ADAMTS18: variants seen among roughly 807,000 people sequenced by gnomAD.
The protein encoded by ADAMTS18 is A disintegrin and metalloproteinase with thrombospondin motifs 18.
Under a neutral mutation model 165.9 loss-of-function variants are expected in ADAMTS18, and 157 were observed. The observed-to-expected ratio is 0.95, with a 90% CI of 0.83 to 1.08. ADAMTS18 has a LOEUF of 1.08. ADAMTS18 is among the 50% of genes least tolerant of loss of function. The pLI, the probability that ADAMTS18 is intolerant of heterozygous loss-of-function variation, is 0.00. For synonymous variants in ADAMTS18, 782 were observed against 578.2 expected (o/e 1.35, Z -5.06); for missense variants, 2,040 against 1,534.0 (o/e 1.33, Z -5.51).
In ADAMTS18 at chr16:77,291,497, T is replaced by C; in HGVS notation, c.3190-19A>G. The C allele has an allele frequency of 1.2e-6, 2 of 1,612,204 alleles. No homozygotes were observed. Among genetic ancestry groups the C allele is most frequent in the East Asian group, 2.2e-5 (1 of 44,870 alleles). On this transcript the variant is annotated intron_variant, in intron 20 of 22. Transcript: ENST00000282849. ...CAGAACACTAGGAGCCAAGACAGGA[T>C]GTGTAAAAGTGAAGACTGCCAGGAT...
intron 18 of ADAMTS18, among the ~76,000 whole-genome samples, chr16:77,295,666 G>C (rs759083440): frequency 4.7e-4 from 71 of 152,290 alleles, no homozygotes; most frequent in Middle Eastern, 3.4e-3. Context: ...TACATTTAGA[G>C]AAGGTCTCAC....
intron 20 of ADAMTS18, among the ~76,000 whole-genome samples, chr16:77,292,337 T>C (rs905637956): frequency 6.6e-6 from 1 of 152,180 alleles, no homozygotes; most frequent in Non-Finnish European, 1.5e-5. Flanking sequence ...GAGATATTTC[T>C]AGTGTGTCAC....
intron 16 of ADAMTS18, among the ~76,000 whole-genome samples, chr16:77,316,244 T>C (rs1462759860): frequency 7.4e-6 from 1 of 134,860 alleles, no homozygotes; most frequent in East Asian, 2.2e-4. Flanking sequence ...CTTATTTACA[T>C]AGCAGCCTGG....
At chr16:77,403,105 G>A (rs935228910) in intron 3 of ADAMTS18, among the ~76,000 whole-genome samples, 4 of 152,132 alleles carry the variant, frequency 2.6e-5, no homozygotes, top group South Asian at 4.1e-4. Context: ...TCACTATAAC[G>A]ATGTGACAGA....
chr16:77,430,287 C>T (rs1276468875), intron 3 of ADAMTS18, among the ~76,000 whole-genome samples: 2 of 152,094 alleles, frequency 1.3e-5, no homozygotes, highest in African/African-American at 4.8e-5. Context: ...GAAAGAATAC[C>T]GTGATTGTGG....
chr16:77,357,648 G>A (rs2056651257), intron 8 of ADAMTS18, among the ~76,000 whole-genome samples: 1 of 152,192 alleles, frequency 6.6e-6, no homozygotes, highest in Non-Finnish European at 1.5e-5. Flanking sequence ...GGAATTTTAT[G>A]TGCGTAAGAA....
In ADAMTS18 at chr16:77,329,563, T is replaced by C. The variant is rs567386333; in HGVS notation, c.1860-3525A>G. Among the ~76,000 whole-genome samples the C allele has an allele frequency of 2.0e-5, 3 of 152,224 alleles. No individual in the cohort carries two copies. In the East Asian group the frequency reaches 5.8e-4, roughly 29 times the overall value. ...GTATCTAGGGCAGAGTCAGAATAAA[T>C]AAATTATAACTATTTTTAAATGCCT... is the stretch of plus-strand genomic sequence containing the variant. On this transcript the variant is annotated intron_variant, in intron 12 of 22. Coordinates refer to ENST00000282849, the MANE Select transcript of ADAMTS18 (RefSeq NM_199355.4).
chr16:77,378,781 A>G (rs1304061009), intron 3 of ADAMTS18: 1 of 152,182 alleles, frequency 6.6e-6, no homozygotes, highest in Non-Finnish European at 1.5e-5. Context: ...TATAACACTC[A>G]ATACATATTT....
At chr16:77,330,628 G>C (rs186474386) in intron 12 of ADAMTS18, among the ~76,000 whole-genome samples, 41 of 152,318 alleles carry the variant, frequency 2.7e-4, no homozygotes, top group Non-Finnish European at 1.5e-5. Context: ...ATGAAAAACA[G>C]GGCTTCCGTC....
In ADAMTS18 at chr16:77,316,235, T is replaced by G. The variant is rs1049218683; in HGVS notation, c.2532+3614A>C. Among the ~76,000 whole-genome samples, 5 of 148,470 alleles carry G rather than the reference T, an allele frequency of 3.4e-5. No homozygotes were observed. The Admixed American group carries it at 3.4e-4, about 10-fold the overall frequency. ...GTTTACTTCTTGCCTCTCCAATCAC[T>G]TATTTACATAGCAGCCTGGTTGAAT... On this transcript the variant is annotated intron_variant, in intron 16 of 22. Transcript: ENST00000282849.
At position 77,422,209 on chromosome 16, in the gene ADAMTS18, G is replaced by A. The variant is rs368568192; in HGVS notation, c.495+9086C>T. Among the ~76,000 whole-genome samples, 48 of 152,114 alleles carry A rather than the reference G, an allele frequency of 3.2e-4. No individual in the cohort carries two copies. The South Asian group carries it at 8.9e-3, about 28-fold the overall frequency. ...TGGATACAGAGACAAATTTAATGTG[G>A]TCCACTGAGGCCCGCAGACAGGTGA... On this transcript the variant is annotated intron_variant, in intron 3 of 22. Coordinates refer to ENST00000282849, the MANE Select transcript of ADAMTS18 (RefSeq NM_199355.4).
chr16:77,433,857 G>A (rs1000593728), intron 2 of ADAMTS18, among the ~76,000 whole-genome samples: 1 of 152,006 alleles, frequency 6.6e-6, no homozygotes, highest in Admixed American at 6.6e-5. Flanking sequence ...GCTGGCGAAC[G>A]TCAGAAAAGA....
At position 77,325,861 on chromosome 16, in the gene ADAMTS18, A is replaced by G. The variant is rs762599547; in HGVS notation, c.2032+5T>C. 1.2e-5 allele frequency: 20 copies of G among 1,612,558 alleles called. No individual in the cohort carries two copies. In the East Asian group the frequency reaches 4.2e-4, roughly 34 times the overall value. The stretch of plus-strand genomic sequence containing the variant: ...CTTATTTGAATGTCATAGAGACCAA[A>G]TTACCTTCCACTTTTGTATAGGGTT... On this transcript the variant is annotated splice_donor_5th_base_variant and intron_variant, in intron 13 of 22. Coordinates refer to ENST00000282849, the MANE Select transcript of ADAMTS18 (RefSeq NM_199355.4).
chr16:77,361,553 G>A (rs945907991), intron 7 of ADAMTS18, among the ~76,000 whole-genome samples: 1 of 152,092 alleles, frequency 6.6e-6, no homozygotes, highest in African/African-American at 2.4e-5. Context: ...GTTAAATAAT[G>A]TATCTCACAC....
intron 10 of ADAMTS18, among the ~76,000 whole-genome samples, chr16:77,348,038 G>T (rs2144701359): frequency 6.6e-6 from 1 of 152,176 alleles, no homozygotes; most frequent in South Asian, 2.1e-4. Flanking sequence ...GATGGAAAGA[G>T]TATCTTACCC....
intron 19 of ADAMTS18, 101 bp from the exon 20 acceptor site, chr16:77,293,359 A>T (rs1341929590): frequency 9.4e-7 from 1 of 1,063,158 alleles, no homozygotes; most frequent in Non-Finnish European, 1.4e-6. Context: ...GAAAGGTGGG[A>T]TAAACTCCAT....
chr16:77,345,928 C>T (rs2056468824), intron 10 of ADAMTS18, among the ~76,000 whole-genome samples: 1 of 152,170 alleles, frequency 6.6e-6, no homozygotes, highest in East Asian at 1.9e-4. Flanking sequence ...TCCACAAAGT[C>T]ATATGCACTC....
chr16:77,391,887 T>C (rs993771557), intron 3 of ADAMTS18, among the ~76,000 whole-genome samples: 1 of 152,190 alleles, frequency 6.6e-6, no homozygotes. Flanking sequence ...TCCATCCACA[T>C]CATGGAAAGA....
chr16:77,363,961 T>G, intron 5 of ADAMTS18, 76 bp from the exon 6 acceptor site: 1 of 1,406,108 alleles, frequency 7.1e-7, no homozygotes, highest in Non-Finnish European at 1.0e-6. Context: ...ACATATTGAC[T>G]GAAGTACGCA....
Sources: allele counts gnomAD v4.1 joint callset (sites outside exome capture counted in the v4.1 genomes callset), GRCh38; gene constraint gnomAD v4.1.1; transcripts MANE v1.5; gene names NCBI Gene and HGNC (gene_info 2026-07-23, HGNC 2026-07-21).